PICALM: variants seen among roughly 807,000 people sequenced by gnomAD.
PICALM encodes phosphatidylinositol-binding clathrin assembly protein.
Under a neutral mutation model 80.5 loss-of-function variants are expected in PICALM, and 40 were observed. That is an observed-to-expected ratio of 0.50 (90% CI 0.39 to 0.65). PICALM has a LOEUF of 0.65. Among genes scored for constraint, PICALM ranks in the 30% least tolerant of loss-of-function variants. PICALM has a pLI of 0.00. For missense variants in PICALM, 676 were observed against 778.9 expected (o/e 0.87, Z 1.57); for synonymous variants, 288 against 260.3 (o/e 1.11, Z -1.02).
At chr11:86,019,804 T>A (rs939102325) in intron 4 of PICALM, among the ~76,000 whole-genome samples, 1 of 152,252 alleles carries the variant, frequency 6.6e-6, no homozygotes, top group Non-Finnish European at 1.5e-5. Flanking sequence ...CTCTATATTT[T>A]AATTAAATTT....
chr11:86,002,996 A>T (rs2095185574), intron 9 of PICALM, among the ~76,000 whole-genome samples: 1 of 151,976 alleles, frequency 6.6e-6, no homozygotes, highest in African/African-American at 2.4e-5. Flanking sequence ...TGGGCAATAG[A>T]GTGAGACTCT....
chr11:85,959,434 A>G (rs979875048), intron 19 of PICALM, among the ~76,000 whole-genome samples: 4 of 151,794 alleles, frequency 2.6e-5, no homozygotes, highest in African/African-American at 9.7e-5. Context: ...AGAGTTCGAG[A>G]CTGGCCTGGC....
chr11:86,005,908 G>GT (rs1279765741), intron 8 of PICALM, among the ~76,000 whole-genome samples: 1 of 152,120 alleles, frequency 6.6e-6, no homozygotes, highest in Non-Finnish European at 1.5e-5. Flanking sequence ...TGCCTGGCAA[G>GT]TTACCTTTGC....
chr11:86,043,062 C>T (rs2096003725), intron 1 of PICALM, among the ~76,000 whole-genome samples: 1 of 152,172 alleles, frequency 6.6e-6, no homozygotes, highest in South Asian at 2.1e-4. Flanking sequence ...GGGTCCCATT[C>T]AGATAGCACA....
chr11:86,022,349 A>G lies in PICALM; in HGVS notation c.452+18T>C. 1.5e-6 allele frequency: 2 copies of G among 1,333,760 alleles called. No individual in the cohort carries two copies. Among genetic ancestry groups the G allele is most frequent in the Non-Finnish European group, 2.1e-6 (2 of 951,084 alleles). 82.6% of individuals were successfully genotyped at this position (1,333,760 alleles called of 1,614,324 possible). A position where few individuals can be genotyped will look rare whatever the true frequency, so the allele number is the denominator to read the frequency against. ...TAAAAATTCAAATCAATTAGATGTC[A>G]AAAAAAGCTTAACTCACCCTCTCTT... On this transcript the variant is annotated intron_variant, in intron 4 of 19. Transcript: ENST00000393346.
In PICALM at chr11:85,975,776, T is replaced by C. The variant is rs1321715902; in HGVS notation, c.1839+847A>G. On this transcript the variant is annotated intron_variant, in intron 18 of 19. Transcript: ENST00000393346. The stretch of plus-strand genomic sequence containing the variant: ...CATACCCAGCTAATTTTTGTATTTT[T>C]AGTAGAGACGGAGTTTCACCATATT... Among the ~76,000 whole-genome samples the C allele has an allele frequency of 3.3e-5, 5 of 152,128 alleles. No homozygotes were observed. The East Asian group carries it at 9.6e-4, about 29-fold the overall frequency.
chr11:85,969,098 T>C (rs1194076970), intron 19 of PICALM, among the ~76,000 whole-genome samples: 3 of 152,148 alleles, frequency 2.0e-5, no homozygotes, highest in Non-Finnish European at 4.4e-5. Flanking sequence ...TTGAATCAAG[T>C]CTGAGCTAAC....
At position 86,068,628 on chromosome 11, in the gene PICALM, G is replaced by C. The variant is rs767280551; in HGVS notation, c.130+23C>G. 1.9e-6 allele frequency: 3 copies of C among 1,597,268 alleles called. No individual in the cohort carries two copies. The South Asian group carries it at 3.3e-5, about 18-fold the overall frequency. ...GGGTCGCGCGGGCGCCGGGGAGCGG[G>C]GGCCGCGGTCGGCTTCACTCACAGT... On this transcript the variant is annotated intron_variant, in intron 1 of 19. Transcript: ENST00000393346.
intron 1 of PICALM, among the ~76,000 whole-genome samples, chr11:86,062,815 T>C (rs924485471): frequency 1.3e-5 from 2 of 152,170 alleles, no homozygotes; most frequent in African/African-American, 4.8e-5. Context: ...AGTCCAAAAT[T>C]TTGATTCTCT....
intron 3 of PICALM, among the ~76,000 whole-genome samples, chr11:86,025,542 T>TA (rs1199090494): frequency 1.7e-3 from 1 of 592 alleles, no homozygotes; most frequent in African/African-American, 6.0e-3. Flanking sequence ...TGAAAGCAAA[T>TA]ATTACATAGC....
intron 1 of PICALM, among the ~76,000 whole-genome samples, chr11:86,050,823 A>G (rs1434105485): frequency 6.6e-6 from 1 of 151,990 alleles, no homozygotes; most frequent in Non-Finnish European, 1.5e-5. Context: ...TTTTTTTTAC[A>G]TCCAAGATAC....
intron 1 of PICALM, among the ~76,000 whole-genome samples, chr11:86,057,465 G>C (rs935417608): frequency 2.0e-5 from 3 of 152,142 alleles, no homozygotes; most frequent in Admixed American, 2.0e-4. Context: ...CTTGAACCCA[G>C]GAGGCAGAGG....
At chr11:86,008,981 A>C (rs1249221353) in intron 7 of PICALM, among the ~76,000 whole-genome samples, 1 of 150,984 alleles carries the variant, frequency 6.6e-6, no homozygotes, top group Non-Finnish European at 1.5e-5. Flanking sequence ...AAAAAGCGTA[A>C]GGTAAGGGAC....
Position 86,002,516 on chromosome 11 carries a change from G to A in PICALM, c.893+850C>T, listed in dbSNP as rs1360692469. On this transcript the variant is annotated intron_variant, in intron 9 of 19. Coordinates refer to ENST00000393346, the MANE Select transcript of PICALM (RefSeq NM_007166.4). Reference sequence around the variant, plus strand: ...GATTTCTGTTACTTTCAATTTGCTAGGTTAAATGGTCTTAGTCTGAGGAAT... The same window carrying A: ...GATTTCTGTTACTTTCAATTTGCTAAGTTAAATGGTCTTAGTCTGAGGAAT... Among the ~76,000 whole-genome samples, 5 of 152,222 alleles carry A rather than the reference G, an allele frequency of 3.3e-5. No individual in the cohort carries two copies. In the East Asian group the frequency reaches 9.6e-4, roughly 29 times the overall value.
chr11:86,063,382 T>C (rs1593532561), intron 1 of PICALM, among the ~76,000 whole-genome samples: 1 of 143,010 alleles, frequency 7.0e-6, no homozygotes, highest in African/African-American at 2.6e-5. Context: ...AAAAGGTATA[T>C]AGATGCCCAA....
At chr11:85,967,939 A>AAAC (rs60594551) in intron 19 of PICALM, among the ~76,000 whole-genome samples, 124,228 of 151,794 alleles carry the variant, frequency 0.82, 51,042 homozygotes, top group African/African-American at 0.89. Flanking sequence ...TAGCCACTGC[A>AAAC]AACAACAAAA....
At chr11:85,982,280 G>C in intron 14 of PICALM, 1 of 268,832 alleles carries the variant, frequency 3.7e-6, no homozygotes, top group Non-Finnish European at 7.2e-6. Context: ...TTATAAAAGA[G>C]AAAAAAAACA....
At chr11:85,974,646 T>C in intron 19 of PICALM, 62 bp downstream of exon 19, 1 of 1,081,946 alleles carries the variant, frequency 9.2e-7, no homozygotes, top group South Asian at 1.2e-5. Flanking sequence ...CAAAAGGGTT[T>C]TATAGTATCA....
rs533153932 is a variant in PICALM, at chr11:85,957,214, C to G, written c.*1832G>C. Among the ~76,000 whole-genome samples the G allele has an allele frequency of 1.8e-3, 276 of 152,208 alleles. No individual in the cohort carries two copies. Among genetic ancestry groups the G allele is most frequent in the African/African-American group, 6.3e-3 (262 of 41,522 alleles). ...GTTTAATAATACTGAAACTTAAAAG[C>G]TGATAAAATTTATTGGCTACGACTA... On this transcript the variant is annotated 3_prime_UTR_variant, in exon 20 of 20. Coordinates refer to ENST00000393346, the MANE Select transcript of PICALM (RefSeq NM_007166.4).
Sources: allele counts gnomAD v4.1 joint callset (sites outside exome capture counted in the v4.1 genomes callset), GRCh38; gene constraint gnomAD v4.1.1; transcripts MANE v1.5; gene names NCBI Gene and HGNC (gene_info 2026-07-23, HGNC 2026-07-21).